Variants in MSR1 observed in about 807,000 individuals in gnomAD.
The protein encoded by MSR1 is macrophage scavenger receptor 1.
In MSR1, 53 loss-of-function variants were observed where a neutral mutation model predicts 47.2. That is an observed-to-expected ratio of 1.12 (90% confidence interval 0.90 to 1.41). The LOEUF is 1.41. MSR1 is among the 40% of genes most tolerant of loss of function. The pLI, the probability that MSR1 is intolerant of heterozygous loss-of-function variation, is 0.00. For missense variants in MSR1, 786 were observed against 546.9 expected, an observed-to-expected ratio of 1.44 and a Z score of -4.36; for synonymous variants, 239 against 185.6, an observed-to-expected ratio of 1.29 and a Z score of -2.34.
At chr8:16,120,171 A>G (rs1799964731) in intron 9 of MSR1, among the ~76,000 whole-genome samples, 1 of 151,786 alleles carries the variant, frequency 6.6e-6, no homozygotes, top group African/African-American at 2.4e-5. Flanking sequence ...AGGTCAGGAG[A>G]TCGAGACCAT....
intron 7 of MSR1, among the ~76,000 whole-genome samples, chr8:16,147,462 T>C (rs1800732298): frequency 1.3e-5 from 2 of 152,166 alleles, no homozygotes. Context: ...CTTCAGAATC[T>C]GATAATGTTT....
chr8:16,141,888 G>C (rs575127001), intron 8 of MSR1, among the ~76,000 whole-genome samples: 1 of 152,220 alleles, frequency 6.6e-6, no homozygotes, highest in South Asian at 2.1e-4. Flanking sequence ...CTCAGAGAAA[G>C]CCTCAGGAAA....
At chr8:16,113,392 T>G (rs1241912579) in intron 9 of MSR1, among the ~76,000 whole-genome samples, 2 of 152,174 alleles carry the variant, frequency 1.3e-5, no homozygotes, top group Non-Finnish European at 2.9e-5. Context: ...ATGATGAGAT[T>G]TGAGATCAGC....
At chr8:16,163,299 T>C (rs1426892434) in intron 5 of MSR1, among the ~76,000 whole-genome samples, 1 of 150,128 alleles carries the variant, frequency 6.7e-6, no homozygotes, top group Non-Finnish European at 1.5e-5. Flanking sequence ...GATGGTCAGA[T>C]TGTATATTTT....
rs139711234 is a variant in MSR1 at position 16,126,795 on chromosome 8, G to A, written c.1034-6189C>T. Among the ~76,000 whole-genome samples the A allele has an allele frequency of 1.6e-3, 237 of 152,212 alleles. 5 individuals are homozygous for A. In the South Asian group the frequency reaches 0.03, roughly 19 times the overall value. On this transcript the variant is annotated intron_variant, in intron 8 of 9. Coordinates refer to ENST00000262101, the MANE Select transcript of MSR1 (RefSeq NM_138715.3). Reference sequence around the variant, plus strand: ...TGGTCTCCAACTCCTGAGCTCAAGCGATTTGCTTGCTTTGGCCTCCCAAAG... The same window carrying A: ...TGGTCTCCAACTCCTGAGCTCAAGCAATTTGCTTGCTTTGGCCTCCCAAAG...
At chr8:16,132,536 G>C (rs924618154) in intron 8 of MSR1, among the ~76,000 whole-genome samples, 1 of 151,916 alleles carries the variant, frequency 6.6e-6, no homozygotes, top group Non-Finnish European at 1.5e-5. Context: ...CACCCAGGCT[G>C]GAGTGCAGTG....
At chr8:16,133,068 T>G (rs1800301225) in intron 8 of MSR1, among the ~76,000 whole-genome samples, 1 of 152,146 alleles carries the variant, frequency 6.6e-6, no homozygotes, top group African/African-American at 2.4e-5. Context: ...TGAATCACAT[T>G]TATTGATTTG....
At chr8:16,139,595 C>T (rs1800475570) in intron 8 of MSR1, 3 of 972,882 alleles carry the variant, frequency 3.1e-6, no homozygotes, top group Non-Finnish European at 2.4e-6. Flanking sequence ...AACATGTAAT[C>T]CCATAAGAGA....
rs1187277718 is a variant in MSR1, at chr8:16,116,715, G to A, written c.1222+3703C>T. The stretch of plus-strand genomic sequence containing the variant: ...AAGCAGGAATGAATAAAAGTTTTGA[G>A]GAAAATACTATTTTACTCATGAGAC... On this transcript the variant is annotated intron_variant, in intron 9 of 9. Coordinates refer to ENST00000262101, the MANE Select transcript of MSR1 (RefSeq NM_138715.3). Among the ~76,000 whole-genome samples the A allele has an allele frequency of 5.3e-5, 8 of 152,142 alleles. 1 individual carries two copies. The South Asian group carries it at 1.5e-3, about 28-fold the overall frequency.
chr8:16,113,582 A>C (rs1479944788), intron 9 of MSR1, among the ~76,000 whole-genome samples: 1 of 152,114 alleles, frequency 6.6e-6, no homozygotes, highest in African/African-American at 2.4e-5. Context: ...AAAGTTGAAA[A>C]CACCTTGGGA....
At chr8:16,176,422 G>C (rs1250296660) in intron 2 of MSR1, among the ~76,000 whole-genome samples, 2 of 151,594 alleles carry the variant, frequency 1.3e-5, no homozygotes, top group East Asian at 2.0e-4. Flanking sequence ...TAGGAGAATT[G>C]CTTGAGCCCA....
chr8:16,150,172 A>ATATATATATATATATAT (rs1563153611), intron 7 of MSR1, 59 bp downstream of exon 7: 1 of 337,242 alleles, frequency 3.0e-6, no homozygotes, highest in African/African-American at 2.4e-5. Context: ...ATATATATAT[A>ATATATATATATATATAT]AAATTATCTG....
intron 6 of MSR1, 119 bp from the exon 7 acceptor site, chr8:16,150,430 G>A: frequency 2.5e-6 from 1 of 407,604 alleles, no homozygotes. Context: ...TCAAATGAAG[G>A]AATAATATCT....
At chr8:16,143,029 G>T (rs139528365) in intron 8 of MSR1, among the ~76,000 whole-genome samples, 3 of 152,114 alleles carry the variant, frequency 2.0e-5, no homozygotes, top group African/African-American at 7.2e-5. Flanking sequence ...GCAACATGAG[G>T]TCGGCAGTAG....
At chr8:16,127,629 T>C (rs1247782589) in intron 8 of MSR1, among the ~76,000 whole-genome samples, 1 of 151,120 alleles carries the variant, frequency 6.6e-6, no homozygotes, top group Non-Finnish European at 1.5e-5. Context: ...TTCTTAGCCA[T>C]GGCTAGATGT....
At position 16,168,510 on chromosome 8, in the gene MSR1, T is replaced by A. The variant is rs770433629; in HGVS notation, c.578A>T (p.Asn193Ile). The A allele has an allele frequency of 3.7e-6, 6 of 1,614,054 alleles. No individual in the cohort carries two copies. The African/African-American group carries it at 5.3e-5, about 14-fold the overall frequency. Residue 193 changes from asparagine to isoleucine, a missense_variant, in exon 4 of 10, where the codon AAC becomes ATC. By Grantham distance (149) the Asn-to-Ile change is moderately radical. Coordinates refer to ENST00000262101, the MANE Select transcript of MSR1 (RefSeq NM_138715.3). ...GATTTTGCCATTCAGATTTTCTATG[T>A]TGAGCTGCAAATCAAGCAATGTGGT... is the stretch of plus-strand genomic sequence containing the variant. Reference protein sequence around the residue: ...LNTTLLDLQLNIENLNGKIQE... With the variant: ...LNTTLLDLQLIIENLNGKIQE...
intron 1 of MSR1, among the ~76,000 whole-genome samples, chr8:16,192,085 C>T (rs387338): frequency 0.26 from 39,071 of 151,818 alleles, 6,928 homozygotes; most frequent in East Asian, 0.52. Flanking sequence ...AGAACTATAT[C>T]TTATTTTTTG....
intron 8 of MSR1, chr8:16,140,991 C>G (rs372440960): frequency 6.2e-7 from 1 of 1,613,930 alleles, no homozygotes; most frequent in East Asian, 2.2e-5. Context: ...TCCCGCCCAA[C>G]CCACCTGATC....
intron 5 of MSR1, among the ~76,000 whole-genome samples, chr8:16,157,556 T>C (rs1202971920): frequency 6.6e-6 from 1 of 151,994 alleles, no homozygotes; most frequent in African/African-American, 2.4e-5. Context: ...TTATGTTTCA[T>C]TTTTGTACAT....
Sources: allele counts gnomAD v4.1 joint callset (sites outside exome capture counted in the v4.1 genomes callset), GRCh38; gene constraint gnomAD v4.1.1; transcripts MANE v1.5; gene names NCBI Gene and HGNC (gene_info 2026-07-23, HGNC 2026-07-21).